Variants in PPP6R3 observed in about 807,000 individuals in gnomAD.
The protein encoded by PPP6R3 is serine/threonine-protein phosphatase 6 regulatory subunit 3.
In PPP6R3, 38 loss-of-function variants were observed where a neutral mutation model predicts 110.7. That is an observed-to-expected ratio of 0.34 (90% CI 0.26 to 0.45). The LOEUF is 0.45. PPP6R3 is among the 20% of genes least tolerant of loss of function. The pLI, the probability that PPP6R3 is intolerant of heterozygous loss-of-function variation, is 1.00. For synonymous variants in PPP6R3, 369 were observed against 373.5 expected (o/e 0.99, Z 0.14); for missense variants, 870 against 1,062.4 (o/e 0.82, Z 2.52).
rs760377030 is a variant in PPP6R3 at position 68,574,167 on chromosome 11, A to G, written c.1402A>G (p.Ile468Val). ...MGHLTRIANC[I>V]VHSTDKGPNS... ...ACACCTAACGAGGATAGCTAACTGT[A>G]TCGTGCACAGCACTGACAAGGGCCC... is the stretch of plus-strand genomic sequence containing the variant. The change falls in exon 13 of 24, where the codon ATC (isoleucine) becomes GTC (valine). Residue 468 changes from isoleucine to valine, a missense_variant. By Grantham distance (29) the Ile-to-Val change is conservative (BLOSUM62 3). Transcript: ENST00000393800. 21 of 1,614,124 alleles carry G rather than the reference A, an allele frequency of 1.3e-5. No homozygotes were observed. The highest frequency in any genetic ancestry group is 2.2e-5 in the South Asian group (2 of 91,084).
intron 1 of PPP6R3, among the ~76,000 whole-genome samples, chr11:68,508,102 C>T (rs2099088207): frequency 6.9e-6 from 1 of 145,082 alleles, no homozygotes; most frequent in Admixed American, 6.8e-5. Flanking sequence ...TTTTCCCCGG[C>T]CTAAGTGAGT....
intron 1 of PPP6R3, among the ~76,000 whole-genome samples, chr11:68,463,118 A>G (rs1379546993): frequency 6.6e-6 from 1 of 152,170 alleles, no homozygotes; most frequent in Non-Finnish European, 1.5e-5. Context: ...TCACGCCTGT[A>G]ATCCCAGCAC....
At chr11:68,476,174 T>G (rs1039315446) in intron 1 of PPP6R3, among the ~76,000 whole-genome samples, 2 of 152,120 alleles carry the variant, frequency 1.3e-5, no homozygotes, top group Non-Finnish European at 2.9e-5. Context: ...CTGGGCAACA[T>G]TGAGCACTGA....
chr11:68,582,100 A>G (rs978018714), intron 14 of PPP6R3, among the ~76,000 whole-genome samples: 1 of 152,210 alleles, frequency 6.6e-6, no homozygotes. Flanking sequence ...GTACAGCCTC[A>G]TGAGTTGGCA....
At chr11:68,603,664 T>C (rs1477444615) in intron 22 of PPP6R3, 172 bp downstream of exon 22, 1 of 810,662 alleles carries the variant, frequency 1.2e-6, no homozygotes, top group Non-Finnish European at 1.9e-6. Flanking sequence ...AGATGGAGAG[T>C]TTAGGCCCCT....
intron 2 of PPP6R3, among the ~76,000 whole-genome samples, chr11:68,529,201 T>C (rs958824979): frequency 5.9e-5 from 9 of 152,306 alleles, no homozygotes; most frequent in South Asian, 4.1e-4. Context: ...CTCAGAGATA[T>C]GTACCTGTTT....
chr11:68,535,457 A>C (rs897768940), intron 2 of PPP6R3: 3 of 152,148 alleles, frequency 2.0e-5, no homozygotes, highest in African/African-American at 7.2e-5. Flanking sequence ...TCCTCTTGTA[A>C]GATGTTGTGT....
At position 68,554,248 on chromosome 11, in the gene PPP6R3, C is replaced by T. The variant is rs933791703; in HGVS notation, c.722C>T (p.Thr241Ile). Residue 241 changes from threonine (T) to isoleucine (I), a missense_variant, in exon 7 of 24, where the codon ACT becomes ATT. Transcript: ENST00000393800. ...NSTEPDPLLA[T>I]LEKQEIIEQL... ...ACAGAGCCCGACCCCCTGCTTGCCA[C>T]TCTAGAAAAGTATGTGTAAAACTCT... The T allele has an allele frequency of 6.2e-7, 1 of 1,609,532 alleles. No individual in the cohort carries two copies. Among genetic ancestry groups the T allele is most frequent in the Non-Finnish European group, 8.5e-7 (1 of 1,176,532 alleles).
chr11:68,612,538 AT>A (rs1944043195), intron 23 of PPP6R3, among the ~76,000 whole-genome samples: 1 of 150,194 alleles, frequency 6.7e-6, no homozygotes, highest in African/African-American at 2.5e-5. Context: ...TGAGCCTAAC[AT>A]TTGCTTTGTG....
rs1288703887 is a variant in PPP6R3, at chr11:68,614,041, A to T, written c.*924A>T. Reference sequence around the variant, plus strand: ...CATTTCAGAGCAATCTGCATATTTAACAGACCTAAAATAAATCCTATTAGG... The same window carrying T: ...CATTTCAGAGCAATCTGCATATTTATCAGACCTAAAATAAATCCTATTAGG... On this transcript the variant is annotated 3_prime_UTR_variant, in exon 24 of 24. Coordinates refer to ENST00000393800, the MANE Select transcript of PPP6R3 (RefSeq NM_001164161.2). 9.1e-6 allele frequency: 9 copies of T among 985,720 alleles called. No individual in the cohort carries two copies. The South Asian group carries it at 4.2e-4, about 46-fold the overall frequency. The allele number at this position is 985,720 out of a possible 1,614,324, so 61.1% of individuals were successfully genotyped here. A position where few individuals can be genotyped will look rare whatever the true frequency, so the allele number is the denominator to read the frequency against.
chr11:68,519,757 G>A (rs1397094814), intron 2 of PPP6R3, 106 bp downstream of exon 2: 3 of 394,634 alleles, frequency 7.6e-6, no homozygotes, highest in African/African-American at 6.2e-5. Flanking sequence ...GTGGAGACCA[G>A]TCTCTCTGAG....
At chr11:68,495,267 A>G (rs2099008658) in intron 1 of PPP6R3, among the ~76,000 whole-genome samples, 1 of 152,246 alleles carries the variant, frequency 6.6e-6, no homozygotes, top group Non-Finnish European at 1.5e-5. Context: ...CAAAGTACAG[A>G]TGCTAAAACC....
At chr11:68,496,562 A>C (rs1269264467) in intron 1 of PPP6R3, among the ~76,000 whole-genome samples, 1 of 150,388 alleles carries the variant, frequency 6.6e-6, no homozygotes, top group Non-Finnish European at 1.5e-5. Context: ...AACCTCTGCC[A>C]CCTGGGTTCA....
At chr11:68,503,002 G>A (rs1305701732) in intron 1 of PPP6R3, among the ~76,000 whole-genome samples, 2 of 152,188 alleles carry the variant, frequency 1.3e-5, no homozygotes, top group African/African-American at 4.8e-5. Flanking sequence ...GGAGTGCAGT[G>A]GTGTGATACT....
intron 14 of PPP6R3, among the ~76,000 whole-genome samples, chr11:68,581,896 T>C (rs2099556064): frequency 6.6e-6 from 1 of 152,224 alleles, no homozygotes; most frequent in Non-Finnish European, 1.5e-5. Flanking sequence ...CACTGGGTTA[T>C]CACAGCTTAA....
chr11:68,561,042 G>A (rs1459312083), intron 8 of PPP6R3, among the ~76,000 whole-genome samples: 2 of 150,972 alleles, frequency 1.3e-5, no homozygotes, highest in South Asian at 2.1e-4. Flanking sequence ...GACTACAGGC[G>A]CCCGCCACTA....
chr11:68,594,290 G>C (rs1475918712), intron 18 of PPP6R3, among the ~76,000 whole-genome samples: 1 of 147,336 alleles, frequency 6.8e-6, no homozygotes, highest in Non-Finnish European at 1.5e-5. Flanking sequence ...GAGAGAGAGA[G>C]AGGAGAGAGG....
intron 2 of PPP6R3, among the ~76,000 whole-genome samples, chr11:68,536,888 A>G (rs1431544661): frequency 6.6e-6 from 1 of 152,248 alleles, no homozygotes; most frequent in South Asian, 2.1e-4. Context: ...ATGTGTCTCA[A>G]AAGTGGCATT....
chr11:68,555,255 A>C (rs1268499673), intron 7 of PPP6R3, among the ~76,000 whole-genome samples: 3 of 152,190 alleles, frequency 2.0e-5, no homozygotes, highest in African/African-American at 7.2e-5. Context: ...ATAGTCCTTT[A>C]AAACATATAA....
Sources: allele counts gnomAD v4.1 joint callset (sites outside exome capture counted in the v4.1 genomes callset), GRCh38; gene constraint gnomAD v4.1.1; transcripts MANE v1.5; gene names NCBI Gene and HGNC (gene_info 2026-07-23, HGNC 2026-07-21).